RPA3: variants seen among roughly 807,000 people sequenced by gnomAD.
RPA3 encodes replication protein A3.
In RPA3, 24 loss-of-function variants were observed where a neutral mutation model predicts 13.7. The ratio of observed to expected loss-of-function variants is 1.75; its 90% CI spans 1.27 to 2.46. The LOEUF is 2.46. Among genes scored for constraint, RPA3 ranks in the 30% most tolerant of loss-of-function variants. The probability of loss-of-function intolerance (pLI) is 0.00; values close to 1 mark genes in which losing one functional copy is unlikely to be tolerated. For missense variants in RPA3, 183 were observed against 151.0 expected (o/e 1.21, Z -1.11); for synonymous variants, 59 against 51.2 (o/e 1.15, Z -0.65).
intron 2 of RPA3, among the ~76,000 whole-genome samples, chr7:7,696,038 C>T (rs1780308778): frequency 7.4e-6 from 1 of 134,776 alleles, no homozygotes; most frequent in Non-Finnish European, 1.5e-5. Context: ...GAGATGGAGT[C>T]TCTGTTGCCC....
At chr7:7,660,710 CT>C (rs1159102072) in intron 4 of RPA3, among the ~76,000 whole-genome samples, 2 of 152,232 alleles carry the variant, frequency 1.3e-5, no homozygotes, top group Non-Finnish European at 2.9e-5. Flanking sequence ...GTAACCCAGC[CT>C]TTCTCTCTGG....
At chr7:7,687,187 C>T (rs924558592) in intron 3 of RPA3, 41 bp downstream of exon 3, 1 of 152,162 alleles carries the variant, frequency 6.6e-6, no homozygotes, top group Non-Finnish European at 1.5e-5. Flanking sequence ...TATTTAAGTT[C>T]TGTCATTTAC....
At chr7:7,670,609 G>C (rs759761124) in intron 4 of RPA3, among the ~76,000 whole-genome samples, 1 of 152,168 alleles carries the variant, frequency 6.6e-6, no homozygotes, top group Non-Finnish European at 1.5e-5. Context: ...GCCCCATTCA[G>C]ATATAGCATC....
intron 2 of RPA3, among the ~76,000 whole-genome samples, chr7:7,693,010 A>G (rs1015567371): frequency 3.3e-5 from 5 of 152,342 alleles, no homozygotes; most frequent in African/African-American, 2.4e-5. Flanking sequence ...CCTAAGGACC[A>G]TATGATTACA....
chr7:7,642,848 C>G (rs1428020321), intron 4 of RPA3, among the ~76,000 whole-genome samples: 1 of 152,070 alleles, frequency 6.6e-6, no homozygotes, highest in African/African-American at 2.4e-5. Flanking sequence ...GTTAAGCTTC[C>G]TAAGCTTTTC....
intron 4 of RPA3, among the ~76,000 whole-genome samples, chr7:7,684,092 C>G (rs1382852670): frequency 6.6e-6 from 1 of 152,146 alleles, no homozygotes; most frequent in African/African-American, 2.4e-5. Flanking sequence ...TAAATCATCC[C>G]TAGATTACTA....
rs1056714581 is a variant in RPA3 at position 7,687,340 on chromosome 7, A to G, written c.-1027-12T>C. The stretch of plus-strand genomic sequence containing the variant: ...AACTGTACACAGATCTGCACTGACA[A>G]AAGGGAGTACAAAGAACTTGTAATT... On this transcript the variant is annotated splice_polypyrimidine_tract_variant and intron_variant, in intron 2 of 7. Transcript: ENST00000223129. 4 of 152,216 alleles carry G rather than the reference A, an allele frequency of 2.6e-5. No individual in the cohort carries two copies. Among genetic ancestry groups the G allele is most frequent in the Non-Finnish European group, 5.9e-5 (4 of 68,040 alleles). The allele number at this position is 152,216 out of a possible 1,614,324, so 9.4% of individuals were successfully genotyped here. A position where few individuals can be genotyped will look rare whatever the true frequency, so the allele number is the denominator to read the frequency against.
At chr7:7,651,514 A>G (rs1244568610) in intron 4 of RPA3, among the ~76,000 whole-genome samples, 2 of 152,126 alleles carry the variant, frequency 1.3e-5, no homozygotes, top group Admixed American at 6.5e-5. Context: ...TCCTGTCCAT[A>G]TTATTTTCCC....
chr7:7,716,762 G>A (rs889231467), intron 1 of RPA3, among the ~76,000 whole-genome samples: 1 of 152,194 alleles, frequency 6.6e-6, no homozygotes, highest in Non-Finnish European at 1.5e-5. Flanking sequence ...TGGCTAACAC[G>A]GTGAAACCCC....
chr7:7,651,116 A>T (rs1245806768), intron 4 of RPA3, among the ~76,000 whole-genome samples: 1 of 152,210 alleles, frequency 6.6e-6, no homozygotes, highest in Non-Finnish European at 1.5e-5. Flanking sequence ...CATTCAGAGA[A>T]ATCACTCCCT....
At chr7:7,671,538 G>A (rs1176867247) in intron 4 of RPA3, among the ~76,000 whole-genome samples, 1 of 152,134 alleles carries the variant, frequency 6.6e-6, no homozygotes, top group Non-Finnish European at 1.5e-5. Flanking sequence ...TTAACTGTTC[G>A]AGGTTGAAAA....
rs182017263 is a variant in RPA3, at chr7:7,696,040, C to A, written c.-1027-8712G>T. Among the ~76,000 whole-genome samples the A allele has an allele frequency of 3.2e-4, 44 of 139,404 alleles. No individual in the cohort carries two copies. In the East Asian group the frequency reaches 9.4e-3, roughly 30 times the overall value. The allele number at this position is 139,404 out of a possible 152,430, so 91.5% of individuals were successfully genotyped here. A position where few individuals can be genotyped will look rare whatever the true frequency, so the allele number is the denominator to read the frequency against. On this transcript the variant is annotated intron_variant, in intron 2 of 7. Coordinates refer to ENST00000223129, the MANE Select transcript of RPA3 (RefSeq NM_002947.5). ...GTAATTTTTTTTTGAGATGGAGTCT[C>A]TGTTGCCCAGGCTGGATTACAGTGG...
chr7:7,647,303 C>A (rs1785119333), intron 4 of RPA3, among the ~76,000 whole-genome samples: 1 of 152,054 alleles, frequency 6.6e-6, no homozygotes, highest in Non-Finnish European at 1.5e-5. Context: ...TGATAATTCC[C>A]AGTGAAACTG....
chr7:7,654,481 C>T (rs975222946), intron 4 of RPA3, among the ~76,000 whole-genome samples: 1 of 152,220 alleles, frequency 6.6e-6, no homozygotes, highest in Non-Finnish European at 1.5e-5. Flanking sequence ...CCTGCTGATA[C>T]CCAAATCCAC....
chr7:7,662,335 C>T (rs1228207678), intron 4 of RPA3, among the ~76,000 whole-genome samples: 2 of 152,170 alleles, frequency 1.3e-5, no homozygotes, highest in East Asian at 3.9e-4. Context: ...GTTTTGCTGG[C>T]GTTCTAGGGG....
intron 1 of RPA3, among the ~76,000 whole-genome samples, chr7:7,718,140 A>AC (rs564001866): frequency 1.9e-3 from 297 of 152,324 alleles, no homozygotes; most frequent in African/African-American, 6.7e-3. Context: ...AGAAAGTAAA[A>AC]CTGGTATTAA....
At chr7:7,668,084 T>A (rs11763161) in intron 4 of RPA3, among the ~76,000 whole-genome samples, 9 of 147,714 alleles carry the variant, frequency 6.1e-5, no homozygotes. Context: ...AGCTGGCTAA[T>A]TTTTTTTTTT....
At chr7:7,708,710 A>G (rs1278536427) in intron 2 of RPA3, among the ~76,000 whole-genome samples, 1 of 152,184 alleles carries the variant, frequency 6.6e-6, no homozygotes, top group Non-Finnish European at 1.5e-5. Flanking sequence ...TAATTAGTAA[A>G]TAAGCTGATT....
At chr7:7,654,796 C>G (rs1436975411) in intron 4 of RPA3, among the ~76,000 whole-genome samples, 2 of 151,376 alleles carry the variant, frequency 1.3e-5, no homozygotes, top group Non-Finnish European at 1.5e-5. Context: ...CCCAGCTACT[C>G]TGGAGGCTGA....
Sources: gnomAD v4.1 joint callset for allele counts (sites outside exome capture counted in the v4.1 genomes callset) on GRCh38, gnomAD v4.1.1 for gene constraint, MANE v1.5 for transcripts, NCBI Gene and HGNC (gene_info 2026-07-23, HGNC 2026-07-21) for gene names.